Variants in ATP6V0A4 observed in about 807,000 individuals in gnomAD.
The protein encoded by ATP6V0A4 is V-type proton ATPase 116 kDa subunit a 4.
ATP6V0A4 carries 86 observed loss-of-function variants against 107.3 expected under a neutral mutation model. The observed-to-expected ratio is 0.80, with a 90% confidence interval of 0.67 to 0.96. ATP6V0A4 has a LOEUF of 0.96. Among genes scored for constraint, ATP6V0A4 ranks in the 40% least tolerant of loss-of-function variants. ATP6V0A4 has a pLI of 0.00. For missense variants in ATP6V0A4, 908 were observed against 1,045.6 expected, an observed-to-expected ratio of 0.87 and a Z score of 1.81; for synonymous variants, 353 against 381.4, an observed-to-expected ratio of 0.93 and a Z score of 0.87.
chr7:138,735,836 C>T (rs12111879), intron 15 of ATP6V0A4, among the ~76,000 whole-genome samples: 88,420 of 148,300 alleles, frequency 0.6, 26,358 homozygotes, highest in East Asian at 0.92. Context: ...GGTGCAGTGG[C>T]TCACGCTTGT....
At chr7:138,708,238 C>T (rs1350338844) in intron 21 of ATP6V0A4, among the ~76,000 whole-genome samples, 5 of 151,794 alleles carry the variant, frequency 3.3e-5, no homozygotes, top group East Asian at 1.9e-4. Context: ...TCAGTAGAGA[C>T]GGGGTTTCTC....
At chr7:138,759,482 A>C (rs1002295011) in intron 8 of ATP6V0A4, among the ~76,000 whole-genome samples, 4 of 152,130 alleles carry the variant, frequency 2.6e-5, no homozygotes, top group Non-Finnish European at 5.9e-5. Context: ...TAGTACTAGT[A>C]TAACTAAGTT....
chr7:138,773,068 C>G lies in ATP6V0A4; in HGVS notation c.-17-1804G>C, dbSNP rs992976960. Among the ~76,000 whole-genome samples the G allele has an allele frequency of 7.9e-5, 12 of 152,188 alleles. No individual in the cohort carries two copies. The highest frequency in any genetic ancestry group is 2.9e-4 in the African/African-American group (12 of 41,444). On this transcript the variant is annotated intron_variant, in intron 2 of 21. Coordinates refer to ENST00000310018, the MANE Select transcript of ATP6V0A4 (RefSeq NM_020632.3). This position sits in a 1 kb window ranked among gnomAD's most constrained non-coding sequence, Gnocchi z 5.4. ...CCAGGTCAACCTTCTGGAAGAATTT[C>G]CACACCTCCAGAGTAGATTTAATTT...
At chr7:138,743,038 C>A (rs930740215) in intron 14 of ATP6V0A4, among the ~76,000 whole-genome samples, 2 of 152,036 alleles carry the variant, frequency 1.3e-5, no homozygotes, top group Non-Finnish European at 2.9e-5. Flanking sequence ...TTAGGCCTAG[C>A]AGAGAAACAA....
chr7:138,792,955 C>T (rs12056096), intron 1 of ATP6V0A4, among the ~76,000 whole-genome samples: 89,115 of 151,750 alleles, frequency 0.59, 26,523 homozygotes, highest in African/African-American at 0.67. Flanking sequence ...GTTATAGCTA[C>T]AGCAATATCA....
chr7:138,792,225 G>A lies in ATP6V0A4; in HGVS notation c.-121+5809C>T, dbSNP rs559875361. 1.1e-4 allele frequency among the ~76,000 whole-genome samples: 17 copies of A among 152,242 alleles called. No homozygotes were observed. In the South Asian group the frequency reaches 1.2e-3, roughly 11 times the overall value. ...CGGGAGGCTGAGGCAGGAGAATGGC[G>A]TGAACCCAGGAGGCAGCTTGCAGTG... On this transcript the variant is annotated intron_variant, in intron 1 of 21. Transcript: ENST00000310018.
chr7:138,722,472 G>A (rs192418470), intron 18 of ATP6V0A4, among the ~76,000 whole-genome samples: 7 of 152,086 alleles, frequency 4.6e-5, no homozygotes, highest in African/African-American at 1.2e-4. Flanking sequence ...CAAGACTAGC[G>A]TGGCCAACAT....
intron 18 of ATP6V0A4, among the ~76,000 whole-genome samples, chr7:138,725,664 C>T (rs1411431241): frequency 6.6e-6 from 1 of 152,154 alleles, no homozygotes; most frequent in Non-Finnish European, 1.5e-5. Flanking sequence ...AAGGCACTCA[C>T]CACCACGCCG....
intron 18 of ATP6V0A4, among the ~76,000 whole-genome samples, chr7:138,725,869 A>T (rs1044042608): frequency 6.6e-6 from 1 of 152,008 alleles, no homozygotes; most frequent in African/African-American, 2.4e-5. Context: ...GGTGACACGA[A>T]CGTGTTCATG....
intron 19 of ATP6V0A4, among the ~76,000 whole-genome samples, chr7:138,720,497 G>A (rs568822768): frequency 1.3e-5 from 2 of 152,238 alleles, no homozygotes; most frequent in South Asian, 2.1e-4. Context: ...CAGAACATGC[G>A]TGGGTTGGAT....
At chr7:138,768,286 AAG>A (rs1190115112) in intron 5 of ATP6V0A4, among the ~76,000 whole-genome samples, 1 of 152,160 alleles carries the variant, frequency 6.6e-6, no homozygotes, top group Non-Finnish European at 1.5e-5. Context: ...AAGGAAAGGA[AAG>A]AGGGAGAGCC....
chr7:138,742,039 A>C (rs1408162027), intron 14 of ATP6V0A4, among the ~76,000 whole-genome samples: 1 of 152,248 alleles, frequency 6.6e-6, no homozygotes, highest in Non-Finnish European at 1.5e-5. Flanking sequence ...AGTGGTAACA[A>C]GACAGTTAAT....
At position 138,730,931 on chromosome 7, in the gene ATP6V0A4, C is replaced by CTTTTTT. The variant is rs66521953; in HGVS notation, c.1908+1940_1908+1945dup. Reference sequence around the variant, plus strand: ...CAAGGCATTTTTTCTTCTTCTTCTTCTTTTTTTATTTTTTTTTTTGAGACA... The same window carrying CTTTTTT: ...CAAGGCATTTTTTCTTCTTCTTCTTCTTTTTTTTTTTTTATTTTTTTTTTTGAGACA... On this transcript the variant is annotated intron_variant, in intron 17 of 21. Coordinates refer to ENST00000310018, the MANE Select transcript of ATP6V0A4 (RefSeq NM_020632.3). Among the ~76,000 whole-genome samples the CTTTTTT allele has an allele frequency of 1.4e-4, 17 of 123,754 alleles. 1 individual carries two copies. The highest frequency in any genetic ancestry group is 2.7e-4 in the South Asian group (1 of 3,740). 81.2% of individuals were successfully genotyped at this position (123,754 alleles called of 152,430 possible).
chr7:138,747,441 TG>T lies in ATP6V0A4; in HGVS notation c.1303del (p.Gln435ArgfsTer17), dbSNP rs1336689560. ...GACACTCACCTCATTGTCTGTCTTC[TG>T]GGAGAGCAAGCGTCTCTCATTCAGA... Reference protein sequence around the residue: ...MILNERRLLSQKTDNEIWNTF... With the variant: ...MILNERRLLSXKTDNEIWNTF... On this transcript the variant is annotated frameshift_variant, in exon 13 of 22. Transcript: ENST00000310018. LOFTEE classifies it high-confidence loss of function. The T allele has an allele frequency of 1.2e-6, 2 of 1,614,224 alleles. No homozygotes were observed. Among genetic ancestry groups the T allele is most frequent in the Admixed American group, 3.3e-5 (2 of 60,020 alleles).
intron 2 of ATP6V0A4, among the ~76,000 whole-genome samples, chr7:138,784,346 T>G (rs1584951192): frequency 1.4e-5 from 2 of 140,256 alleles, no homozygotes; most frequent in African/African-American, 2.7e-5. Context: ...TGAGATGGAG[T>G]CTCACTCTGT....
intron 1 of ATP6V0A4, among the ~76,000 whole-genome samples, chr7:138,792,410 T>G (rs1808457947): frequency 6.6e-6 from 1 of 152,218 alleles, no homozygotes; most frequent in African/African-American, 2.4e-5. Flanking sequence ...TCAGGGTAAC[T>G]TGGATCTATG....
Position 138,762,199 on chromosome 7 carries a change from T to C in ATP6V0A4, c.512+141A>G, listed in dbSNP as rs925025766. ...CTCCACCAACCTAGTAAGTTACATATGGGTCTATCGCTTGGCAGAGGCTTT... is the reference window on the plus strand; with the variant it reads ...CTCCACCAACCTAGTAAGTTACATACGGGTCTATCGCTTGGCAGAGGCTTT... On this transcript the variant is annotated intron_variant, in intron 7 of 21. Transcript: ENST00000310018. 8.3e-6 allele frequency: 9 copies of C among 1,085,244 alleles called. No homozygotes were observed. The African/African-American group carries it at 1.3e-4, about 15-fold the overall frequency. The allele number at this position is 1,085,244 out of a possible 1,614,324, so 67.2% of individuals were successfully genotyped here. A position where few individuals can be genotyped will look rare whatever the true frequency, so the allele number is the denominator to read the frequency against.
At chr7:138,743,901 T>G (rs1315619921) in intron 14 of ATP6V0A4, among the ~76,000 whole-genome samples, 2 of 152,186 alleles carry the variant, frequency 1.3e-5, no homozygotes, top group Non-Finnish European at 2.9e-5. Flanking sequence ...CAATTTCTAT[T>G]TGTTCACTTC....
At chr7:138,781,532 A>G (rs1419219798) in intron 2 of ATP6V0A4, among the ~76,000 whole-genome samples, 1 of 152,116 alleles carries the variant, frequency 6.6e-6, no homozygotes, top group Non-Finnish European at 1.5e-5. Context: ...GGGTTTCACC[A>G]TCTTGGCCAG....
Sources: gnomAD v4.1 joint callset for allele counts (sites outside exome capture counted in the v4.1 genomes callset) on GRCh38, gnomAD v4.1.1 for gene constraint, Gnocchi (gnomAD v3.1) non-coding constraint, MANE v1.5 for transcripts, NCBI Gene and HGNC (gene_info 2026-07-23, HGNC 2026-07-21) for gene names.